Variants in SLC9A9 observed in about 807,000 individuals in gnomAD.
SLC9A9 encodes the protein sodium/hydrogen exchanger 9.
Under a neutral mutation model 77.8 loss-of-function variants are expected in SLC9A9, and 62 were observed. The ratio of observed to expected loss-of-function variants is 0.80; its 90% CI spans 0.65 to 0.98. SLC9A9 has a LOEUF of 0.98. Ranked by LOEUF, SLC9A9 falls within the 50% of genes least tolerant of loss-of-function variation. The pLI is 0.00. For missense variants in SLC9A9, 775 were observed against 774.9 expected, an observed-to-expected ratio of 1.00 and a Z score of 0.00; for synonymous variants, 320 against 283.5, an observed-to-expected ratio of 1.13 and a Z score of -1.29.
chr3:143,551,991 C>T (rs72999747), intron 9 of SLC9A9, among the ~76,000 whole-genome samples: 2,259 of 152,226 alleles, frequency 0.015, 58 homozygotes, highest in African/African-American at 0.052. Context: ...AAGACCAAAC[C>T]TCACTTCCTT....
intron 12 of SLC9A9, among the ~76,000 whole-genome samples, chr3:143,441,214 C>T (rs1180126078): frequency 6.6e-6 from 1 of 152,066 alleles, no homozygotes; most frequent in Non-Finnish European, 1.5e-5. Context: ...AGCTAGAATT[C>T]CTCTTGACTC....
intron 4 of SLC9A9, among the ~76,000 whole-genome samples, chr3:143,760,837 A>C (rs1458970492): frequency 6.6e-6 from 1 of 152,194 alleles, no homozygotes; most frequent in Non-Finnish European, 1.5e-5. Context: ...ATTGGAAAAA[A>C]CTACTTTAAA....
chr3:143,693,168 A>G, intron 5 of SLC9A9, 24 bp downstream of exon 5: 1 of 1,549,284 alleles, frequency 6.5e-7, no homozygotes, highest in East Asian at 2.3e-5. Flanking sequence ...TTAAAAGAAG[A>G]AAATATATTA....
intron 4 of SLC9A9, among the ~76,000 whole-genome samples, chr3:143,768,933 A>G (rs1463282442): frequency 6.6e-6 from 1 of 152,222 alleles, no homozygotes; most frequent in Non-Finnish European, 1.5e-5. Flanking sequence ...TTAGTCTGTC[A>G]TAAAAGGTTA....
In SLC9A9 at chr3:143,523,244, C is replaced by T. The variant is rs555840649; in HGVS notation, c.1090-27796G>A. Among the ~76,000 whole-genome samples the T allele has an allele frequency of 3.2e-3, 481 of 152,176 alleles. 1 individual carries two copies. Among genetic ancestry groups the T allele is most frequent in the African/African-American group, 0.011 (447 of 41,542 alleles). ...TATTATTGTTATTATTTTTACAAAA[C>T]AATGCTTAGCTTTGCTTTCAAAGTG... On this transcript the variant is annotated intron_variant, in intron 9 of 15. Coordinates refer to ENST00000316549, the MANE Select transcript of SLC9A9 (RefSeq NM_173653.4).
intron 4 of SLC9A9, among the ~76,000 whole-genome samples, chr3:143,770,267 C>T (rs1352943874): frequency 1.3e-5 from 2 of 151,792 alleles, no homozygotes; most frequent in Non-Finnish European, 2.9e-5. Flanking sequence ...GAGAAAATAG[C>T]AATATTCCTA....
At chr3:143,654,809 C>G (rs1322702144) in intron 5 of SLC9A9, among the ~76,000 whole-genome samples, 1 of 152,180 alleles carries the variant, frequency 6.6e-6, no homozygotes, top group African/African-American at 2.4e-5. Context: ...CTTACCCCAC[C>G]TCCCCACTTA....
At chr3:143,703,274 G>T (rs938718893) in intron 4 of SLC9A9, among the ~76,000 whole-genome samples, 1 of 151,962 alleles carries the variant, frequency 6.6e-6, no homozygotes. Flanking sequence ...ACATTATTTT[G>T]CTCAGCACAT....
At chr3:143,579,848 A>C (rs2037424463) in intron 6 of SLC9A9, among the ~76,000 whole-genome samples, 1 of 152,180 alleles carries the variant, frequency 6.6e-6, no homozygotes, top group Non-Finnish European at 1.5e-5. Context: ...GAGATGACTT[A>C]AGAGAGAGCA....
chr3:143,758,914 A>T (rs902722392), intron 4 of SLC9A9, among the ~76,000 whole-genome samples: 1 of 152,140 alleles, frequency 6.6e-6, no homozygotes, highest in African/African-American at 2.4e-5. Flanking sequence ...AGGTAACTGG[A>T]TATTTTCTTT....
chr3:143,481,645 G>A (rs1468558312), intron 11 of SLC9A9, among the ~76,000 whole-genome samples: 1 of 152,198 alleles, frequency 6.6e-6, no homozygotes, highest in Non-Finnish European at 1.5e-5. Context: ...ACTTCCATGT[G>A]CACATGAATT....
chr3:143,653,849 T>TCA (rs1057204331), intron 5 of SLC9A9, among the ~76,000 whole-genome samples: 4 of 152,186 alleles, frequency 2.6e-5, no homozygotes, highest in African/African-American at 9.7e-5. Context: ...GCTTTGTACT[T>TCA]CACAAATATA....
At chr3:143,590,887 A>G (rs2037634501) in intron 6 of SLC9A9, among the ~76,000 whole-genome samples, 2 of 152,230 alleles carry the variant, frequency 1.3e-5, no homozygotes, top group Admixed American at 6.5e-5. Flanking sequence ...AAGAATCAGC[A>G]TAGGGCACTT....
intron 12 of SLC9A9, among the ~76,000 whole-genome samples, chr3:143,459,655 G>A (rs527771181): frequency 2.1e-4 from 32 of 152,122 alleles, no homozygotes; most frequent in Non-Finnish European, 3.1e-4. Flanking sequence ...TTTTGAGCTC[G>A]AAAATTTATA....
chr3:143,318,111 C>G (rs971677523), intron 14 of SLC9A9, among the ~76,000 whole-genome samples: 1 of 152,194 alleles, frequency 6.6e-6, no homozygotes, highest in African/African-American at 2.4e-5. Flanking sequence ...TTATAACCAC[C>G]AGCAGTGGGG....
At chr3:143,613,922 A>T (rs1051032983) in intron 6 of SLC9A9, among the ~76,000 whole-genome samples, 4 of 152,226 alleles carry the variant, frequency 2.6e-5, no homozygotes, top group African/African-American at 7.2e-5. Flanking sequence ...TATTATTCTT[A>T]TGGGAATTGA....
intron 6 of SLC9A9, among the ~76,000 whole-genome samples, chr3:143,626,317 G>T (rs951523852): frequency 6.6e-6 from 1 of 152,168 alleles, no homozygotes; most frequent in Admixed American, 6.5e-5. Flanking sequence ...ACATGCACAC[G>T]TATGTTTATT....
intron 9 of SLC9A9, among the ~76,000 whole-genome samples, chr3:143,533,668 G>A (rs369635407): frequency 6.6e-6 from 1 of 151,998 alleles, no homozygotes; most frequent in Non-Finnish European, 1.5e-5. Context: ...TGGAGGTAAG[G>A]GTATTTTTAA....
intron 12 of SLC9A9, among the ~76,000 whole-genome samples, chr3:143,407,623 G>T (rs755138970): frequency 3.3e-5 from 5 of 152,104 alleles, no homozygotes; most frequent in Non-Finnish European, 7.4e-5. Context: ...AGAATTGCAA[G>T]TTGAGGCTGA....
Sources: gnomAD v4.1 joint callset for allele counts (sites outside exome capture counted in the v4.1 genomes callset) on GRCh38, gnomAD v4.1.1 for gene constraint, MANE v1.5 for transcripts, NCBI Gene and HGNC (gene_info 2026-07-23, HGNC 2026-07-21) for gene names.